MARCHF11: variants seen among roughly 807,000 people sequenced by gnomAD.
The protein encoded by MARCHF11 is membrane associated ring-CH-type finger 11, also known as E3 ubiquitin-protein ligase MARCHF11.
In MARCHF11, 29 loss-of-function variants were observed where a neutral mutation model predicts 37.3. The ratio of observed to expected loss-of-function variants is 0.78; its 90% confidence interval spans 0.58 to 1.06. MARCHF11 has a LOEUF of 1.06. Ranked by LOEUF, MARCHF11 falls within the 50% of genes least tolerant of loss-of-function variation. The pLI is 0.00. For synonymous variants in MARCHF11, 233 were observed against 228.0 expected (o/e 1.02, Z -0.20); for missense variants, 482 against 533.4 (o/e 0.90, Z 0.95).
intron 2 of MARCHF11, among the ~76,000 whole-genome samples, chr5:16,135,426 C>CA (rs935040160): frequency 2.6e-5 from 4 of 152,002 alleles, no homozygotes; most frequent in Middle Eastern, 3.4e-3. Context: ...TTTAAAAAAT[C>CA]AAAAAAACAA....
chr5:16,126,838 C>T (rs1737417912), intron 2 of MARCHF11, among the ~76,000 whole-genome samples: 1 of 152,162 alleles, frequency 6.6e-6, no homozygotes, highest in Non-Finnish European at 1.5e-5. Context: ...TTTTCAAAAG[C>T]TCTGCTTTTG....
At chr5:16,072,183 A>C (rs1189212077) in intron 3 of MARCHF11, among the ~76,000 whole-genome samples, 2 of 152,230 alleles carry the variant, frequency 1.3e-5, no homozygotes, top group Non-Finnish European at 2.9e-5. Flanking sequence ...TCATGAAGAC[A>C]GAAGAATCAG....
intron 2 of MARCHF11, among the ~76,000 whole-genome samples, chr5:16,146,886 G>A (rs1243278608): frequency 2.0e-5 from 3 of 152,068 alleles, no homozygotes; most frequent in Non-Finnish European, 4.4e-5. Flanking sequence ...TGTGGGAGAT[G>A]AGATAGCAAG....
intron 2 of MARCHF11, among the ~76,000 whole-genome samples, chr5:16,124,556 T>C (rs1044292003): frequency 1.3e-5 from 2 of 152,042 alleles, no homozygotes; most frequent in African/African-American, 4.8e-5. Flanking sequence ...GAACCATCAG[T>C]CAGGATGCAG....
intron 2 of MARCHF11, among the ~76,000 whole-genome samples, chr5:16,150,417 G>A (rs1374570122): frequency 2.0e-5 from 3 of 149,322 alleles, no homozygotes; most frequent in African/African-American, 7.7e-5. Context: ...AACATAGTAT[G>A]TGGTTCTACA....
rs1408719171 is a variant in MARCHF11, at chr5:16,134,575, T to C, written c.693+43151A>G. Among the ~76,000 whole-genome samples the C allele has an allele frequency of 2.6e-5, 4 of 152,182 alleles. No individual in the cohort carries two copies. The East Asian group carries it at 5.8e-4, about 22-fold the overall frequency. On this transcript the variant is annotated intron_variant, in intron 2 of 3. Transcript: ENST00000332432. Reference sequence around the variant, plus strand: ...TGTTAATGCCTGCATTATATAGCTATACATGCAGTATTTTGAAATAAAACA... The same window carrying C: ...TGTTAATGCCTGCATTATATAGCTACACATGCAGTATTTTGAAATAAAACA...
chr5:16,075,746 GAGAC>G (rs1404345400), intron 3 of MARCHF11, among the ~76,000 whole-genome samples: 1 of 152,222 alleles, frequency 6.6e-6, no homozygotes, highest in African/African-American at 2.4e-5. Context: ...CAAAGAAACT[GAGAC>G]AGGCAGTTCA....
At chr5:16,155,116 CT>C (rs756372388) in intron 2 of MARCHF11, among the ~76,000 whole-genome samples, 11 of 151,814 alleles carry the variant, frequency 7.2e-5, no homozygotes, top group Non-Finnish European at 1.0e-4. Flanking sequence ...TAAATTCATT[CT>C]AAAGAATATA....
At chr5:16,127,513 C>G (rs886408923) in intron 2 of MARCHF11, among the ~76,000 whole-genome samples, 1 of 152,152 alleles carries the variant, frequency 6.6e-6, no homozygotes, top group Non-Finnish European at 1.5e-5. Flanking sequence ...CAAATCAACA[C>G]CTAACAAGGC....
intron 2 of MARCHF11, among the ~76,000 whole-genome samples, chr5:16,093,418 T>C (rs545472924): frequency 1.3e-5 from 2 of 152,326 alleles, no homozygotes; most frequent in East Asian, 3.9e-4. Context: ...CCGTGGTGTC[T>C]GTAGACATAG....
At chr5:16,120,364 A>G (rs188827831) in intron 2 of MARCHF11, among the ~76,000 whole-genome samples, 1 of 152,308 alleles carries the variant, frequency 6.6e-6, no homozygotes, top group Non-Finnish European at 1.5e-5. Flanking sequence ...CCCCTGTACA[A>G]GTCTCACTTA....
At chr5:16,162,335 G>T (rs768628409) in intron 2 of MARCHF11, among the ~76,000 whole-genome samples, 3 of 151,766 alleles carry the variant, frequency 2.0e-5, no homozygotes, top group Admixed American at 6.6e-5. Flanking sequence ...TTTACATATT[G>T]ATATAAGCTG....
intron 2 of MARCHF11, among the ~76,000 whole-genome samples, chr5:16,152,023 GAT>G (rs1205094125): frequency 6.6e-6 from 1 of 151,874 alleles, no homozygotes; most frequent in Non-Finnish European, 1.5e-5. Context: ...TCACAGTGAG[GAT>G]AGCAGAAACT....
At chr5:16,108,392 C>G (rs1037914606) in intron 2 of MARCHF11, among the ~76,000 whole-genome samples, 3 of 152,212 alleles carry the variant, frequency 2.0e-5, no homozygotes, top group African/African-American at 7.2e-5. Flanking sequence ...AGGGAACTCT[C>G]CCGTTTCAAA....
At chr5:16,151,538 C>CTTT (rs1171168168) in intron 2 of MARCHF11, among the ~76,000 whole-genome samples, 41 of 113,194 alleles carry the variant, frequency 3.6e-4, no homozygotes, top group African/African-American at 1.1e-3. Context: ...TCAGGCTGAT[C>CTTT]TTTTTTTTTT....
At chr5:16,119,114 G>A (rs1167065002) in intron 2 of MARCHF11, among the ~76,000 whole-genome samples, 1 of 152,122 alleles carries the variant, frequency 6.6e-6, no homozygotes, top group Non-Finnish European at 1.5e-5. Context: ...TGTAATCCCA[G>A]CACTTTGGGA....
intron 3 of MARCHF11, among the ~76,000 whole-genome samples, chr5:16,076,895 C>T (rs1245031153): frequency 2.0e-5 from 3 of 152,080 alleles, no homozygotes; most frequent in African/African-American, 4.8e-5. Context: ...TGGCCAGTGG[C>T]CAGAAGGGAT....
At chr5:16,142,803 T>C (rs1484097583) in intron 2 of MARCHF11, among the ~76,000 whole-genome samples, 1 of 145,410 alleles carries the variant, frequency 6.9e-6, no homozygotes, top group Non-Finnish European at 1.5e-5. Flanking sequence ...GCGATTCTCC[T>C]GCCTCAGCCT....
intron 3 of MARCHF11, among the ~76,000 whole-genome samples, chr5:16,077,864 G>C (rs1429677664): frequency 6.6e-6 from 1 of 152,036 alleles, no homozygotes; most frequent in Non-Finnish European, 1.5e-5. Context: ...CCTTAATAAT[G>C]TTCCCTTTTG....
Sources: gnomAD v4.1 joint callset for allele counts (sites outside exome capture counted in the v4.1 genomes callset) on GRCh38, gnomAD v4.1.1 for gene constraint, MANE v1.5 for transcripts, NCBI Gene and HGNC (gene_info 2026-07-23, HGNC 2026-07-21) for gene names.